Variants in BSPRY observed in about 807,000 individuals in gnomAD.
BSPRY encodes the protein B-box and SPRY domain containing, also known as B box and SPRY domain-containing protein.
BSPRY carries 33 observed loss-of-function variants against 38.0 expected under a neutral mutation model. The ratio of observed to expected loss-of-function variants is 0.87; its 90% CI spans 0.66 to 1.16. BSPRY has a LOEUF of 1.16. Among genes scored for constraint, BSPRY ranks in the 50% most tolerant of loss-of-function variants. The pLI is 0.00. For synonymous variants in BSPRY, 224 were observed against 228.5 expected, an observed-to-expected ratio of 0.98 and a Z score of 0.18; for missense variants, 523 against 533.2, an observed-to-expected ratio of 0.98 and a Z score of 0.19.
intron 5 of BSPRY, 128 bp from the exon 6 acceptor site, chr9:113,369,488 C>A: frequency 3.1e-6 from 3 of 960,244 alleles, no homozygotes; most frequent in Non-Finnish European, 4.7e-6. Flanking sequence ...GCAGACAAGG[C>A]TCAGAGAGAG....
chr9:113,362,174 GGTGTGTGT>G (rs10600721), intron 3 of BSPRY, among the ~76,000 whole-genome samples, 187 bp from the exon 4 acceptor site: 2,109 of 141,320 alleles, frequency 0.015, 17 homozygotes, highest in African/African-American at 0.03. Context: ...ATGTGTTATG[GGTGTGTGT>G]GTGTGTGTGT....
chr9:113,368,161 TAGG>T, intron 4 of BSPRY, 95 bp from the exon 5 acceptor site: 1 of 1,451,768 alleles, frequency 6.9e-7, no homozygotes. Flanking sequence ...TATCGCCTGA[TAGG>T]AGATTTTACT....
chr9:113,351,283 C>T (rs1256784687), intron 1 of BSPRY, among the ~76,000 whole-genome samples: 1 of 152,048 alleles, frequency 6.6e-6, no homozygotes, highest in African/African-American at 2.4e-5. Flanking sequence ...TGGGTCTTAC[C>T]CTCTCTTCCA....
intron 3 of BSPRY, among the ~76,000 whole-genome samples, chr9:113,361,340 CTA>C (rs1397615582): frequency 6.6e-6 from 1 of 152,186 alleles, no homozygotes; most frequent in Non-Finnish European, 1.5e-5. Context: ...GGGAATAAAA[CTA>C]TGTTTCTTTG....
At chr9:113,360,801 G>A (rs559830274) in intron 3 of BSPRY, 64 bp downstream of exon 3, 26 of 1,325,632 alleles carry the variant, frequency 2.0e-5, no homozygotes, top group South Asian at 1.6e-4. Flanking sequence ...TGAAAATATC[G>A]AGAATGTTTG....
At chr9:113,359,896 T>C (rs533007105) in intron 2 of BSPRY, among the ~76,000 whole-genome samples, 2 of 151,944 alleles carry the variant, frequency 1.3e-5, no homozygotes, top group Non-Finnish European at 2.9e-5. Flanking sequence ...AAAAAAAAAT[T>C]TCCCATTCAG....
At chr9:113,362,564 G>A (rs548669030) in intron 4 of BSPRY, among the ~76,000 whole-genome samples, 170 bp downstream of exon 4, 1 of 152,222 alleles carries the variant, frequency 6.6e-6, no homozygotes, top group Non-Finnish European at 1.5e-5. Flanking sequence ...CCTTGGCTTA[G>A]AGAACTGCTT....
In BSPRY at chr9:113,359,547, A is replaced by G. The variant is rs370629370; in HGVS notation, c.301-960A>G. On this transcript the variant is annotated intron_variant, in intron 2 of 5. Transcript: ENST00000374183. ...TTTCTGACATGAAGGAGGCAGTTCT[A>G]TTCCCACTTGTCTGGCAAGAGTACA... Among the ~76,000 whole-genome samples the G allele has an allele frequency of 7.2e-5, 11 of 152,334 alleles. No individual in the cohort carries two copies. The South Asian group carries it at 1.2e-3, about 17-fold the overall frequency.
chr9:113,367,738 C>T (rs1834274173), intron 4 of BSPRY, among the ~76,000 whole-genome samples: 1 of 152,144 alleles, frequency 6.6e-6, no homozygotes, highest in African/African-American at 2.4e-5. Context: ...ATAAACTGTC[C>T]ACCAGCTTTG....
At chr9:113,350,986 C>T (rs1242437855) in intron 1 of BSPRY, among the ~76,000 whole-genome samples, 1 of 152,204 alleles carries the variant, frequency 6.6e-6, no homozygotes, top group African/African-American at 2.4e-5. Context: ...AAGGCAGTAA[C>T]TCCTCCAAGC....
intron 4 of BSPRY, among the ~76,000 whole-genome samples, chr9:113,363,056 A>G (rs953297201): frequency 1.3e-5 from 2 of 152,204 alleles, no homozygotes; most frequent in Non-Finnish European, 2.9e-5. Context: ...TCTGTATTTC[A>G]ATGGGTATAA....
At chr9:113,352,409 T>C (rs1048372289) in intron 1 of BSPRY, among the ~76,000 whole-genome samples, 2 of 150,844 alleles carry the variant, frequency 1.3e-5, no homozygotes, top group Non-Finnish European at 3.0e-5. Context: ...AAGTAAGAGA[T>C]TGGGTGAGGA....
chr9:113,356,743 G>A (rs4979238), intron 2 of BSPRY, among the ~76,000 whole-genome samples: 50,907 of 151,938 alleles, frequency 0.34, 9,627 homozygotes, highest in South Asian at 0.45. Flanking sequence ...AAGAGGGGAG[G>A]TGTCAGGATA....
At chr9:113,361,977 T>C (rs1834160364) in intron 3 of BSPRY, among the ~76,000 whole-genome samples, 1 of 152,170 alleles carries the variant, frequency 6.6e-6, no homozygotes, top group African/African-American at 2.4e-5. Flanking sequence ...ACAGCATCCA[T>C]GGACAGAGCA....
At chr9:113,359,491 G>A (rs755801105) in intron 2 of BSPRY, among the ~76,000 whole-genome samples, 7 of 152,204 alleles carry the variant, frequency 4.6e-5, no homozygotes, top group Non-Finnish European at 7.3e-5. Context: ...TAAGGGACAG[G>A]GCATAGGGAA....
At chr9:113,355,155 C>T (rs1283021245) in intron 2 of BSPRY, among the ~76,000 whole-genome samples, 2 of 152,234 alleles carry the variant, frequency 1.3e-5, no homozygotes, top group Non-Finnish European at 2.9e-5. Context: ...CCATGCCTGG[C>T]CTCCACTGCA....
intron 2 of BSPRY, among the ~76,000 whole-genome samples, chr9:113,355,135 G>A (rs913423767): frequency 6.0e-4 from 92 of 152,318 alleles, no homozygotes; most frequent in African/African-American, 2.2e-3. Context: ...AGGATTACAG[G>A]TGTGAGCCGC....
intron 2 of BSPRY, among the ~76,000 whole-genome samples, chr9:113,356,940 G>C (rs1834069818): frequency 6.6e-6 from 1 of 152,174 alleles, no homozygotes; most frequent in Non-Finnish European, 1.5e-5. Context: ...AAGGTGCTGA[G>C]TAGGTAGCTG....
intron 1 of BSPRY, among the ~76,000 whole-genome samples, chr9:113,350,718 T>C (rs1833957621): frequency 6.6e-6 from 1 of 152,110 alleles, no homozygotes; most frequent in Non-Finnish European, 1.5e-5. Flanking sequence ...ACACATCTTA[T>C]ATAGGGTGCT....
Sources: gnomAD v4.1 joint callset for allele counts (sites outside exome capture counted in the v4.1 genomes callset) on GRCh38, gnomAD v4.1.1 for gene constraint, MANE v1.5 for transcripts, NCBI Gene and HGNC (gene_info 2026-07-23, HGNC 2026-07-21) for gene names.